Variants in NDUFC1 observed in about 807,000 individuals in gnomAD.
NDUFC1 encodes the protein NADH:ubiquinone oxidoreductase subunit C1.
A neutral mutation model predicts 11.6 loss-of-function variants in NDUFC1; 11 were observed. The observed-to-expected ratio is 0.95, with a 90% CI of 0.60 to 1.58. The LOEUF is 1.58. Among genes scored for constraint, NDUFC1 ranks in the 40% most tolerant of loss-of-function variants. The pLI, the probability that NDUFC1 is intolerant of heterozygous loss-of-function variation, is 0.00. For synonymous variants in NDUFC1, 52 were observed against 42.2 expected (o/e 1.23, Z -0.90); for missense variants, 112 against 93.0 (o/e 1.20, Z -0.84).
In NDUFC1 at chr4:139,298,438, CAA is replaced by C. The variant is rs147060181; in HGVS notation, c.-221-997_-221-996del. Among the ~76,000 whole-genome samples the C allele has an allele frequency of 5.1e-3, 430 of 84,288 alleles. 1 individual carries two copies. Among genetic ancestry groups the C allele is most frequent in the African/African-American group, 0.011 (281 of 24,638 alleles). The allele number at this position is 84,288 out of a possible 152,430, so 55.3% of individuals were successfully genotyped here. On this transcript the variant is annotated intron_variant, in intron 1 of 5. Coordinates refer to ENST00000394223, the MANE Select transcript of NDUFC1 (RefSeq NM_001184989.2). ...GGGCGACAAGAGCGAAACTCTGTCT[CAA>C]AAAAAAAAAAAAAAAAAAAGATTCA...
In NDUFC1 at chr4:139,295,753, G is replaced by C. The variant is rs1387586373; in HGVS notation, c.46C>G (p.Pro16Ala). ...LLRPLSRLLA[P>A]ARLPSGPSVR... ...TCACGGCCGCTCGGGAGCCTGGCGGGGGCCAGCAGCCGGGAAAGGGGACGC... is the reference window on the plus strand; with the variant it reads ...TCACGGCCGCTCGGGAGCCTGGCGGCGGCCAGCAGCCGGGAAAGGGGACGC... The change falls in exon 3 of 6, where the codon CCC becomes GCC. Residue 16 changes from proline (P) to alanine (A), a missense_variant. Coordinates refer to ENST00000394223, the MANE Select transcript of NDUFC1 (RefSeq NM_001184989.2). The C allele has an allele frequency of 2.0e-5, 31 of 1,551,660 alleles. No individual in the cohort carries two copies. The highest frequency in any genetic ancestry group is 2.5e-5 in the Non-Finnish European group (29 of 1,149,532).
In NDUFC1 at chr4:139,295,959, G is replaced by A; in HGVS notation, c.-161C>T. ...TCTAGCACCCCGGCCTCAGCCTTCTGTCTATACAGTGGAATTAGGAAGAAA... is the reference window on the plus strand; with the variant it reads ...TCTAGCACCCCGGCCTCAGCCTTCTATCTATACAGTGGAATTAGGAAGAAA... On this transcript the variant is annotated splice_region_variant and 5_prime_UTR_variant, in exon 3 of 6. Coordinates refer to ENST00000394223, the MANE Select transcript of NDUFC1 (RefSeq NM_001184989.2). The A allele has an allele frequency of 1.6e-6, 1 of 625,430 alleles. No homozygotes were observed. The highest frequency in any genetic ancestry group is 2.0e-5 in the South Asian group (1 of 50,342). 38.7% of individuals were successfully genotyped at this position (625,430 alleles called of 1,614,324 possible).
intron 1 of NDUFC1, among the ~76,000 whole-genome samples, chr4:139,300,000 C>G (rs1745641896): frequency 6.6e-6 from 1 of 152,190 alleles, no homozygotes; most frequent in Non-Finnish European, 1.5e-5. Flanking sequence ...CTAAAACTAT[C>G]AACTGCATTT....
At chr4:139,291,930 G>T (rs535887321) in intron 5 of NDUFC1, among the ~76,000 whole-genome samples, 1 of 151,406 alleles carries the variant, frequency 6.6e-6, no homozygotes, top group Non-Finnish European at 1.5e-5. Flanking sequence ...TCTGCCTCCC[G>T]GGTTCACGCC....
At chr4:139,295,203 C>T in intron 3 of NDUFC1, 57 bp from the exon 4 acceptor site, 1 of 1,357,012 alleles carries the variant, frequency 7.4e-7, no homozygotes, top group Non-Finnish European at 1.1e-6. Context: ...GGGAAAAAAC[C>T]CTAACATTTA....
chr4:139,297,751 T>C (rs978636313), intron 1 of NDUFC1, among the ~76,000 whole-genome samples: 1 of 152,196 alleles, frequency 6.6e-6, no homozygotes, highest in Non-Finnish European at 1.5e-5. Flanking sequence ...ACAGCATGCA[T>C]GAGAATACTA....
At chr4:139,302,135 C>G (rs1381899857) in intron 1 of NDUFC1, 2 of 330,696 alleles carry the variant, frequency 6.0e-6, no homozygotes, top group East Asian at 9.6e-5. Flanking sequence ...AGAAGAGGCC[C>G]GGCCTTTGGC....
In NDUFC1 at chr4:139,292,579, C is replaced by G. The variant is rs72939460; in HGVS notation, c.202G>C (p.Glu68Gln). The G allele has an allele frequency of 1.2e-4, 189 of 1,567,358 alleles. No homozygotes were observed. In the African/African-American group the frequency reaches 2.4e-3, roughly 20 times the overall value. Residue 68 changes from glutamate to glutamine, a missense_variant, in exon 5 of 6, where the codon GAG becomes CAG. Transcript: ENST00000394223. ...TCCAGCCCATTTCTTCTTTTGTACT[C>G]TAAAATATCTTCATTGTGTTGTTTG... ...LIKQHNEDIL[E>Q]YKRRNGLE
chr4:139,295,623 C>A, intron 3 of NDUFC1, 109 bp downstream of exon 3: 1 of 1,230,656 alleles, frequency 8.1e-7, no homozygotes, highest in South Asian at 1.6e-5. Flanking sequence ...CGGCGAAGGT[C>A]ACTGCAGGAC....
intron 1 of NDUFC1, chr4:139,300,902 G>A (rs1197184019): frequency 1.3e-5 from 2 of 152,164 alleles, no homozygotes. Flanking sequence ...GTGCAAATAT[G>A]TCACTTCGGA....
At chr4:139,301,758 C>T in intron 1 of NDUFC1, 1 of 1,560,160 alleles carries the variant, frequency 6.4e-7, no homozygotes, top group Non-Finnish European at 8.7e-7. Flanking sequence ...GTGGCGGGAG[C>T]AGCGGGAGCA....
chr4:139,292,346 C>T, intron 5 of NDUFC1, among the ~76,000 whole-genome samples, 184 bp downstream of exon 5: 1 of 151,668 alleles, frequency 6.6e-6, no homozygotes, highest in Non-Finnish European at 1.5e-5. Flanking sequence ...CCCATCCCCC[C>T]CAAAACAAAA....
chr4:139,302,004 C>A, intron 1 of NDUFC1: 2 of 631,810 alleles, frequency 3.2e-6, no homozygotes, highest in Non-Finnish European at 5.1e-6. Context: ...CCTACTATGG[C>A]CCGCGCGCCA....
intron 5 of NDUFC1, among the ~76,000 whole-genome samples, chr4:139,291,788 C>A (rs916722768): frequency 1.3e-5 from 2 of 151,540 alleles, no homozygotes; most frequent in Non-Finnish European, 2.9e-5. Context: ...GCTATGAAAG[C>A]AAAGTGTAAA....
chr4:139,297,168 C>T (rs923439254), intron 2 of NDUFC1, among the ~76,000 whole-genome samples: 3 of 152,188 alleles, frequency 2.0e-5, no homozygotes, highest in Non-Finnish European at 4.4e-5. Context: ...CTACACCATC[C>T]GTTGGAAGCT....
At chr4:139,295,644 C>A in intron 3 of NDUFC1, 88 bp downstream of exon 3, 1 of 1,417,222 alleles carries the variant, frequency 7.1e-7, no homozygotes, top group Non-Finnish European at 9.4e-7. Flanking sequence ...GAACCCGGGC[C>A]GCTGCCGCCT....
At chr4:139,295,202 C>A in intron 3 of NDUFC1, 56 bp from the exon 4 acceptor site, 1 of 1,365,320 alleles carries the variant, frequency 7.3e-7, no homozygotes, top group Non-Finnish European at 1.0e-6. Flanking sequence ...AGGGAAAAAA[C>A]CCTAACATTT....
chr4:139,291,923 G>A (rs1214087087), intron 5 of NDUFC1, among the ~76,000 whole-genome samples: 1 of 151,112 alleles, frequency 6.6e-6, no homozygotes, highest in African/African-American at 2.4e-5. Flanking sequence ...TGCAAACTCT[G>A]CCTCCCGGGT....
chr4:139,295,786 C>T lies in NDUFC1; in HGVS notation c.13G>A (p.Ala5Thr). The change falls in exon 3 of 6, where the codon GCC becomes ACC. Residue 5 changes from alanine (A) to threonine (T), a missense_variant. Transcript: ENST00000394223. MAPS[A>T]LLRPLSRLLA... is the part of the protein sequence containing the mutation. The stretch of plus-strand genomic sequence containing the variant: ...AGCCGGGAAAGGGGACGCAGCAAGG[C>T]GGACGGCGCCATCTTGCGTGGCCCA... The T allele has an allele frequency of 6.5e-7, 1 of 1,546,104 alleles. No homozygotes were observed. The highest frequency in any genetic ancestry group is 8.7e-7 in the Non-Finnish European group (1 of 1,146,574).
Sources: gnomAD v4.1 joint callset for allele counts (sites outside exome capture counted in the v4.1 genomes callset) on GRCh38, gnomAD v4.1.1 for gene constraint, MANE v1.5 for transcripts, NCBI Gene and HGNC (gene_info 2026-07-23, HGNC 2026-07-21) for gene names.